The following WNK1 variants were observed in gnomAD, a reference collection of about 807,000 sequenced individuals.
WNK1 encodes the protein serine/threonine-protein kinase WNK1.
Under a neutral mutation model 222.8 loss-of-function variants are expected in WNK1, and 38 were observed. That is an observed-to-expected ratio of 0.17 (90% CI 0.13 to 0.22). WNK1 has a LOEUF of 0.22. WNK1 is among the 10% of genes least tolerant of loss of function. The pLI is 1.00. For synonymous variants in WNK1, 1,090 were observed against 1,092.9 expected, an observed-to-expected ratio of 1.00 and a Z score of 0.05; for missense variants, 2,348 against 2,918.4, an observed-to-expected ratio of 0.80 and a Z score of 4.50.
chr12:778,754 C>T (rs1351757126), intron 1 of WNK1, among the ~76,000 whole-genome samples: 1 of 150,938 alleles, frequency 6.6e-6, no homozygotes, highest in Non-Finnish European at 1.5e-5. Context: ...ATGATAAGGA[C>T]AGTACATGTA....
At chr12:786,611 G>A (rs1454721825) in intron 1 of WNK1, among the ~76,000 whole-genome samples, 1 of 151,818 alleles carries the variant, frequency 6.6e-6, no homozygotes, top group Non-Finnish European at 1.5e-5. Flanking sequence ...GAGATTATAG[G>A]CTCCTGCCAC....
chr12:825,204 C>T (rs960495337), intron 2 of WNK1, among the ~76,000 whole-genome samples: 3 of 152,176 alleles, frequency 2.0e-5, no homozygotes, highest in Non-Finnish European at 4.4e-5. Flanking sequence ...TTTCCTTACC[C>T]TCCATCCAGC....
At chr12:758,261 C>T (rs919897616) in intron 1 of WNK1, among the ~76,000 whole-genome samples, 2 of 143,842 alleles carry the variant, frequency 1.4e-5, no homozygotes, top group African/African-American at 5.0e-5. Flanking sequence ...TTTATTAAGA[C>T]TGTGTGTCAT....
At chr12:835,007 ATACT>A (rs1292177445) in intron 4 of WNK1, among the ~76,000 whole-genome samples, 3 of 152,182 alleles carry the variant, frequency 2.0e-5, no homozygotes, top group African/African-American at 4.8e-5. Flanking sequence ...TACCTATTAC[ATACT>A]TCTTTCTTGT....
chr12:837,588 A>G (rs113361566), intron 4 of WNK1, among the ~76,000 whole-genome samples: 8,979 of 133,216 alleles, frequency 0.067, 362 homozygotes, highest in African/African-American at 0.079. Context: ...AAAAAAAAAA[A>G]AAAAGAAAAG....
At chr12:857,834 T>C (rs1287852731) in intron 5 of WNK1, among the ~76,000 whole-genome samples, 2 of 152,182 alleles carry the variant, frequency 1.3e-5, no homozygotes, top group Non-Finnish European at 2.9e-5. Context: ...TCATCACCCG[T>C]CAGGCATGGC....
chr12:829,956 C>G, intron 3 of WNK1, 47 bp from the exon 4 acceptor site: 14 of 1,610,828 alleles, frequency 8.7e-6, no homozygotes, highest in Non-Finnish European at 1.2e-5. Context: ...TGAGTAACGT[C>G]TGAAGCTTCT....
chr12:857,827 T>C (rs765891), intron 5 of WNK1, among the ~76,000 whole-genome samples: 18,947 of 152,178 alleles, frequency 0.12, 1,483 homozygotes, highest in Middle Eastern at 0.2. Context: ...AGCTGATTCA[T>C]CACCCGTCAG....
Position 753,563 on chromosome 12 carries a change from A to G in WNK1, c.-3A>G. The G allele has an allele frequency of 1.2e-6, 2 of 1,612,102 alleles. No individual in the cohort carries two copies. Among genetic ancestry groups the G allele is most frequent in the South Asian group, 1.1e-5 (1 of 91,056 alleles). On this transcript the variant is annotated 5_prime_UTR_variant, in exon 1 of 28. Coordinates refer to ENST00000315939, the MANE Select transcript of WNK1 (RefSeq NM_018979.4). This position sits in a 1 kb window ranked among gnomAD's most constrained non-coding sequence, Gnocchi z 5.2. ...CCGCTCGCCTCTCTCCAGCGAACCGACCATGTCTGGCGGCGCCGCAGAGAA... is the reference window on the plus strand; with the variant it reads ...CCGCTCGCCTCTCTCCAGCGAACCGGCCATGTCTGGCGGCGCCGCAGAGAA...
chr12:792,828 A>T lies in WNK1; in HGVS notation c.760-20814A>T, dbSNP rs182941375. Among the ~76,000 whole-genome samples, 679 of 152,216 alleles carry T rather than the reference A, an allele frequency of 4.5e-3. 4 individuals carry two copies. Among genetic ancestry groups the T allele is most frequent in the Middle Eastern group, 0.014 (4 of 294 alleles). Reference sequence around the variant, plus strand: ...ACAAATATGTACTCACATTAAAAAAAATATATATAAACATATTATTCTATG... The same window carrying T: ...ACAAATATGTACTCACATTAAAAAATATATATATAAACATATTATTCTATG... On this transcript the variant is annotated intron_variant, in intron 1 of 27. Transcript: ENST00000315939.
intron 1 of WNK1, among the ~76,000 whole-genome samples, chr12:801,825 C>T (rs1364355380): frequency 6.6e-6 from 1 of 152,128 alleles, no homozygotes; most frequent in Non-Finnish European, 1.5e-5. Context: ...GTAAGTGGTA[C>T]TAATGATGAG....
At position 808,639 on chromosome 12, in the gene WNK1, GA is replaced by G. The variant is rs1470184261; in HGVS notation, c.760-5001del. Among the ~76,000 whole-genome samples, 4 of 152,160 alleles carry G rather than the reference GA, an allele frequency of 2.6e-5. No homozygotes were observed. In the East Asian group the frequency reaches 7.7e-4, roughly 29 times the overall value. ...TGTGCCCTCCAAAGAGAGGTGGAGA[GA>G]ACCTCTTAGACTCCAACTTTTACAT... On this transcript the variant is annotated intron_variant, in intron 1 of 27. Coordinates refer to ENST00000315939, the MANE Select transcript of WNK1 (RefSeq NM_018979.4).
intron 4 of WNK1, among the ~76,000 whole-genome samples, chr12:841,241 CCA>C (rs1435190246): frequency 6.6e-6 from 1 of 152,160 alleles, no homozygotes. Flanking sequence ...AAGCCCCATA[CCA>C]GTTAGCAGTC....
At chr12:801,423 T>TTGTGTGTG (rs367875366) in intron 1 of WNK1, among the ~76,000 whole-genome samples, 104 of 143,982 alleles carry the variant, frequency 7.2e-4, no homozygotes, top group African/African-American at 2.0e-3. Flanking sequence ...CTTTTTTTCT[T>TTGTGTGTG]TGTGTGTGTG....
chr12:860,472 G>A (rs1406971326), intron 6 of WNK1, among the ~76,000 whole-genome samples: 3 of 152,200 alleles, frequency 2.0e-5, no homozygotes, highest in Admixed American at 1.3e-4. Flanking sequence ...AGTGGTAGTT[G>A]CCTCTGAGAG....
At chr12:906,305 A>G in intron 26 of WNK1, 1 of 985,232 alleles carries the variant, frequency 1.0e-6, no homozygotes, top group Non-Finnish European at 1.2e-6. Context: ...TGCCTCTTGG[A>G]ATAATCTTCA....
chr12:787,830 A>G (rs1006588481), intron 1 of WNK1, among the ~76,000 whole-genome samples: 6 of 152,118 alleles, frequency 3.9e-5, no homozygotes, highest in African/African-American at 1.4e-4. Flanking sequence ...GATGCTTTAC[A>G]TTGTGTGTGT....
chr12:875,558 A>G (rs898094667), intron 9 of WNK1, among the ~76,000 whole-genome samples: 9 of 152,216 alleles, frequency 5.9e-5, no homozygotes, highest in African/African-American at 2.2e-4. Context: ...TGTGATTTTA[A>G]ACAACTGGCT....
At chr12:825,415 A>T (rs1186636285) in intron 2 of WNK1, among the ~76,000 whole-genome samples, 1 of 152,200 alleles carries the variant, frequency 6.6e-6, no homozygotes, top group Non-Finnish European at 1.5e-5. Flanking sequence ...CAATTTATTT[A>T]GGACTAATAC....
Sources: gnomAD v4.1 joint callset for allele counts (sites outside exome capture counted in the v4.1 genomes callset) on GRCh38, gnomAD v4.1.1 for gene constraint, Gnocchi (gnomAD v3.1) non-coding constraint, MANE v1.5 for transcripts, NCBI Gene and HGNC (gene_info 2026-07-23, HGNC 2026-07-21) for gene names.